REPS2: variants seen among roughly 807,000 people sequenced by gnomAD.
The protein encoded by REPS2 is RALBP1 associated Eps domain containing 2.
In REPS2, 23 loss-of-function variants were observed where a neutral mutation model predicts 53.6. The observed-to-expected ratio is 0.43, with a 90% CI of 0.31 to 0.61. The LOEUF (loss-of-function observed/expected upper bound fraction) is 0.61. Among genes scored for constraint, REPS2 ranks in the 20% least tolerant of loss-of-function variants. The pLI is 0.11. For synonymous variants in REPS2, 238 were observed against 218.6 expected (o/e 1.09, Z -0.78); for missense variants, 446 against 534.9 (o/e 0.83, Z 1.64).
the REPS2 span, among the ~76,000 whole-genome samples, chrX:17,184,227 G>C: frequency 1.1e-5 from 1 of 90,467 alleles, no homozygotes; most frequent in East Asian, 3.5e-4. Flanking sequence ...CCCTTCCTGT[G>C]TCCAAGTGTT....
chrX:16,954,794 ATTAT>A (rs2060571189), intron 1 of REPS2, among the ~76,000 whole-genome samples: 1 of 100,191 alleles, frequency 1.0e-5, no homozygotes, highest in African/African-American at 3.5e-5. Flanking sequence ...GTTTTTGCTA[ATTAT>A]TTATAACTTT....
intron 16 of REPS2, chrX:17,137,505 A>G (rs948091997): frequency 1.8e-5 from 2 of 112,413 alleles, no homozygotes; most frequent in Admixed American, 1.9e-4. Flanking sequence ...TGAATTCTTT[A>G]TATATTCTGG....
chrX:16,986,658 A>G (rs2061094348), intron 1 of REPS2, among the ~76,000 whole-genome samples: 1 of 111,549 alleles, frequency 9.0e-6, no homozygotes, highest in Non-Finnish European at 1.9e-5. Context: ...TCACTGGGTC[A>G]TTAGAAGTGA....
chrX:17,133,352 TG>T (rs2063320019), intron 14 of REPS2, among the ~76,000 whole-genome samples: 1 of 111,710 alleles, frequency 9.0e-6, no homozygotes, highest in Admixed American at 9.5e-5. Context: ...GCGTGGGCTT[TG>T]GTTGGCCTGG....
chrX:17,031,314 G>A (rs909206819), intron 5 of REPS2, among the ~76,000 whole-genome samples: 48 of 112,057 alleles, frequency 4.3e-4, no homozygotes, highest in African/African-American at 1.5e-3. Flanking sequence ...TTACAGCAGT[G>A]TGACTGGGCT....
At chrX:17,113,091 C>CAAAAAAAAA (rs10567369) in intron 14 of REPS2, among the ~76,000 whole-genome samples, 1 of 13,560 alleles carries the variant, frequency 7.4e-5, no homozygotes, top group African/African-American at 4.1e-4. Context: ...GACTCTGTCT[C>CAAAAAAAAA]AAAAAAAAAA....
intron 4 of REPS2, among the ~76,000 whole-genome samples, chrX:17,027,901 T>C (rs1253864947): frequency 9.0e-6 from 1 of 111,033 alleles, no homozygotes; most frequent in Non-Finnish European, 1.9e-5. Flanking sequence ...TCAGCTTTAT[T>C]ACTGATATAG....
chrX:17,134,377 T>TTTTGGTCTTTGTAC (rs2063333447), intron 15 of REPS2, among the ~76,000 whole-genome samples: 1 of 111,579 alleles, frequency 9.0e-6, no homozygotes, highest in Non-Finnish European at 1.9e-5. Flanking sequence ...TACCCCTCAC[T>TTTTGGTCTTTGTAC]CATCATGCTC....
chrX:17,136,692 G>T (rs1225558022), intron 16 of REPS2: 1 of 112,012 alleles, frequency 8.9e-6, no homozygotes, highest in Non-Finnish European at 1.9e-5. Flanking sequence ...GTACAATTCA[G>T]TGGTTCTTAG....
At chrX:16,982,891 A>T (rs771635834) in intron 1 of REPS2, among the ~76,000 whole-genome samples, 51 of 112,532 alleles carry the variant, frequency 4.5e-4, no homozygotes, top group Non-Finnish European at 7.3e-4. Context: ...GTGTCATTTT[A>T]AGCCGTCAAG....
intron 14 of REPS2, among the ~76,000 whole-genome samples, chrX:17,110,138 T>C (rs191713740): frequency 9.0e-6 from 1 of 111,321 alleles, no homozygotes; most frequent in African/African-American, 3.3e-5. Flanking sequence ...ATTATGTAAG[T>C]CTCTTACAGG....
At chrX:17,082,794 G>C (rs1247476778) in intron 13 of REPS2, among the ~76,000 whole-genome samples, 1 of 112,472 alleles carries the variant, frequency 8.9e-6, no homozygotes, top group Non-Finnish European at 1.9e-5. Context: ...TCTGGGCAAG[G>C]GGAACAGTAT....
At chrX:17,018,753 G>A (rs779972911) in intron 2 of REPS2, among the ~76,000 whole-genome samples, 2 of 109,940 alleles carry the variant, frequency 1.8e-5, no homozygotes, top group Non-Finnish European at 3.8e-5. Flanking sequence ...AATGTCACTT[G>A]CCATTTATTA....
rs184385063 is a variant in REPS2 at position 17,093,791 on chromosome X, A to G, written c.1517-9927A>G. 4.5e-3 allele frequency among the ~76,000 whole-genome samples: 426 copies of G among 94,910 alleles called. 1 individual carries two copies. Among genetic ancestry groups the G allele is most frequent in the Non-Finnish European group, 6.2e-3 (291 of 46,605 alleles). 82.4% of individuals were successfully genotyped at this position (94,910 alleles called of 115,157 possible). A position where few individuals can be genotyped will look rare whatever the true frequency, so the allele number is the denominator to read the frequency against. On this transcript the variant is annotated intron_variant, in intron 13 of 17. Transcript: ENST00000357277. ...ATATAGTAAATTACTTTTTTTTTTTACTTGCACAGGTTTTTGTTTGCCTTG... is the reference window on the plus strand; with the variant it reads ...ATATAGTAAATTACTTTTTTTTTTTGCTTGCACAGGTTTTTGTTTGCCTTG...
chrX:17,022,358 C>A, intron 3 of REPS2, 87 bp downstream of exon 3: 1 of 872,840 alleles, frequency 1.1e-6, no homozygotes, highest in Non-Finnish European at 1.6e-6. Flanking sequence ...CAGCTTCCAG[C>A]AAATCTCACC....
chrX:16,988,468 A>G (rs967246050), intron 1 of REPS2, among the ~76,000 whole-genome samples: 1 of 112,348 alleles, frequency 8.9e-6, no homozygotes, highest in Non-Finnish European at 1.9e-5. Flanking sequence ...ACAAATGGAC[A>G]CTGAAATTAA....
At chrX:16,984,937 T>C (rs767773045) in intron 1 of REPS2, among the ~76,000 whole-genome samples, 2 of 111,508 alleles carry the variant, frequency 1.8e-5, no homozygotes, top group Non-Finnish European at 3.8e-5. Context: ...ATAAGGTGAA[T>C]GGTAGATGCA....
intron 1 of REPS2, among the ~76,000 whole-genome samples, chrX:16,995,675 TAAGTG>T (rs1261536676): frequency 9.0e-6 from 1 of 111,693 alleles, no homozygotes; most frequent in Non-Finnish European, 1.9e-5. Flanking sequence ...TCTCAGTTGT[TAAGTG>T]AAGACCCAAT....
At chrX:17,090,512 A>G (rs1191165344) in intron 13 of REPS2, among the ~76,000 whole-genome samples, 1 of 111,978 alleles carries the variant, frequency 8.9e-6, no homozygotes, top group African/African-American at 3.2e-5. Flanking sequence ...ACAAGATGAG[A>G]TTTGGGTGGG....
Sources: allele counts gnomAD v4.1 joint callset (sites outside exome capture counted in the v4.1 genomes callset), GRCh38; gene constraint gnomAD v4.1.1; transcripts MANE v1.5; gene names NCBI Gene and HGNC (gene_info 2026-07-23, HGNC 2026-07-21).